WDPCP: variants seen among roughly 807,000 people sequenced by gnomAD.
WDPCP encodes the protein WD repeat containing planar cell polarity effector, also known as WD repeat-containing and planar cell polarity effector protein fritz homolog.
Under a neutral mutation model 93.1 loss-of-function variants are expected in WDPCP, and 71 were observed. The ratio of observed to expected loss-of-function variants is 0.76; its 90% CI spans 0.63 to 0.93. The LOEUF (loss-of-function observed/expected upper bound fraction) is 0.93, where lower values mean the gene tolerates loss of function less well. Among genes scored for constraint, WDPCP ranks in the 40% least tolerant of loss-of-function variants. WDPCP has a pLI of 0.00. For missense variants in WDPCP, 844 were observed against 887.4 expected, an observed-to-expected ratio of 0.95 and a Z score of 0.62; for synonymous variants, 315 against 315.0, an observed-to-expected ratio of 1.00 and a Z score of 0.00.
intron 14 of WDPCP, among the ~76,000 whole-genome samples, chr2:63,212,745 T>C (rs1373191923): frequency 2.0e-5 from 3 of 146,760 alleles, no homozygotes; most frequent in African/African-American, 5.1e-5. Flanking sequence ...GAGACACACA[T>C]AGCCTGAAAA....
intron 2 of WDPCP, chr2:63,717,712 T>C: frequency 2.2e-6 from 1 of 459,108 alleles, no homozygotes; most frequent in Admixed American, 2.4e-5. Flanking sequence ...TGGCCCAACG[T>C]TGATGCCCAC....
intron 2 of WDPCP, among the ~76,000 whole-genome samples, chr2:63,802,528 C>T (rs939123757): frequency 2.0e-5 from 3 of 152,092 alleles, no homozygotes; most frequent in African/African-American, 7.2e-5. Flanking sequence ...AACTACCTTG[C>T]TGGATTTTTT....
chr2:63,672,712 C>CTTTAT (rs70965140), intron 2 of WDPCP, among the ~76,000 whole-genome samples: 18,307 of 112,868 alleles, frequency 0.16, 1,999 homozygotes, highest in South Asian at 0.19. Flanking sequence ...TCACTGAAGC[C>CTTTAT]TTTATTTTAT....
At position 63,492,841 on chromosome 2, in the gene WDPCP, C is replaced by T. The variant is rs1361026454; in HGVS notation, c.160+15G>A. On this transcript the variant is annotated intron_variant, in intron 2 of 17. Transcript: ENST00000272321. The stretch of plus-strand genomic sequence containing the variant: ...ATATTTGAAAAATATTGAAATTAAT[C>T]CAGAGCTCATTTACCCGCAATGTGT... The T allele has an allele frequency of 6.2e-7, 1 of 1,611,228 alleles. No homozygotes were observed. The highest frequency in any genetic ancestry group is 1.3e-5 in the African/African-American group (1 of 74,786).
chr2:63,706,762 G>T (rs910441534), intron 2 of WDPCP, among the ~76,000 whole-genome samples: 1 of 150,816 alleles, frequency 6.6e-6, no homozygotes, highest in Non-Finnish European at 1.5e-5. Flanking sequence ...GACTACAGGC[G>T]CCCGCCACCG....
At chr2:63,525,676 T>C (rs2106191189) in intron 1 of WDPCP, among the ~76,000 whole-genome samples, 3 of 152,302 alleles carry the variant, frequency 2.0e-5, no homozygotes, top group African/African-American at 7.2e-5. Context: ...TACACAGGGC[T>C]CTGTTTCCTC....
chr2:63,301,222 A>G (rs1685307511), intron 13 of WDPCP, among the ~76,000 whole-genome samples: 1 of 152,156 alleles, frequency 6.6e-6, no homozygotes, highest in Non-Finnish European at 1.5e-5. Context: ...AAACGGGAAA[A>G]TTCTGCCTTC....
intron 1 of WDPCP, among the ~76,000 whole-genome samples, chr2:63,822,116 A>T (rs1480003607): frequency 6.6e-6 from 1 of 151,612 alleles, no homozygotes; most frequent in African/African-American, 2.4e-5. Context: ...CCAGTTTTTT[A>T]AAATTATTCC....
At chr2:63,538,467 T>G (rs1222745980) in intron 1 of WDPCP, among the ~76,000 whole-genome samples, 1 of 152,112 alleles carries the variant, frequency 6.6e-6, no homozygotes, top group Non-Finnish European at 1.5e-5. Context: ...CCCTTTATAA[T>G]AAAAAAATTG....
intron 15 of WDPCP, among the ~76,000 whole-genome samples, chr2:63,166,559 T>A (rs1673003827): frequency 6.6e-6 from 1 of 151,882 alleles, no homozygotes; most frequent in South Asian, 2.1e-4. Flanking sequence ...CCTGGCTAAT[T>A]TTTTTGTATT....
At chr2:63,474,307 T>G (rs1391649023) in intron 6 of WDPCP, among the ~76,000 whole-genome samples, 2 of 152,046 alleles carry the variant, frequency 1.3e-5, no homozygotes, top group Non-Finnish European at 2.9e-5. Flanking sequence ...ATTAGAAAAT[T>G]TATGTTACAT....
intron 3 of WDPCP, 90 bp from the exon 4 acceptor site, chr2:63,486,676 T>G: frequency 9.0e-7 from 1 of 1,108,326 alleles, no homozygotes; most frequent in Non-Finnish European, 1.3e-6. Context: ...TGTACATGTA[T>G]AAGGTATTAT....
chr2:63,591,693 A>G (rs1226357990), upstream of WDPCP, among the ~76,000 whole-genome samples: 1 of 152,208 alleles, frequency 6.6e-6, no homozygotes, highest in Admixed American at 6.5e-5. Context: ...CTTTTTGTGG[A>G]AATGCAAATC....
In WDPCP at chr2:63,443,549, T is replaced by C. The variant is rs533758004; in HGVS notation, c.385-3678A>G. 5.3e-5 allele frequency among the ~76,000 whole-genome samples: 8 copies of C among 152,232 alleles called. No homozygotes were observed. The East Asian group carries it at 5.8e-4, about 11-fold the overall frequency. On this transcript the variant is annotated intron_variant, in intron 6 of 17. Transcript: ENST00000272321. ...GGGGAGTAAGTGAAAGGGATATTCA[T>C]AGAGGATGAAGTCAGAGAGGCAGTC... is the stretch of plus-strand genomic sequence containing the variant.
intron 12 of WDPCP, among the ~76,000 whole-genome samples, chr2:63,314,393 T>G (rs1686473118): frequency 6.6e-6 from 1 of 152,006 alleles, no homozygotes; most frequent in Non-Finnish European, 1.5e-5. Context: ...TGGTCTCAAA[T>G]TCATGGGCTC....
At chr2:63,741,767 A>T (rs1410380100) in intron 2 of WDPCP, among the ~76,000 whole-genome samples, 3 of 152,110 alleles carry the variant, frequency 2.0e-5, no homozygotes, top group Non-Finnish European at 4.4e-5. Flanking sequence ...ACAACAAATA[A>T]AGCCCCCTCT....
At chr2:63,829,779 T>C (rs183129874), upstream of WDPCP, among the ~76,000 whole-genome samples, 2 of 152,110 alleles carry the variant, frequency 1.3e-5, no homozygotes, top group Non-Finnish European at 2.9e-5. Flanking sequence ...GTCTTGTGCA[T>C]TTTGTCTTAA....
intron 3 of WDPCP, among the ~76,000 whole-genome samples, chr2:63,607,893 G>GAGAT (rs1261142358): frequency 2.0e-4 from 30 of 151,268 alleles, no homozygotes; most frequent in African/African-American, 5.3e-4. Flanking sequence ...AAATAATTTT[G>GAGAT]AGATAGATAT....
At chr2:63,321,889 TGTC>T (rs1443379471) in intron 12 of WDPCP, among the ~76,000 whole-genome samples, 1 of 152,230 alleles carries the variant, frequency 6.6e-6, no homozygotes, top group African/African-American at 2.4e-5. Flanking sequence ...TTATTTCTAT[TGTC>T]TTCTTTTTAC....
Sources: gnomAD v4.1 joint callset for allele counts (sites outside exome capture counted in the v4.1 genomes callset) on GRCh38, gnomAD v4.1.1 for gene constraint, MANE v1.5 for transcripts, NCBI Gene and HGNC (gene_info 2026-07-23, HGNC 2026-07-21) for gene names.